JMJD1C: variants seen among roughly 807,000 people sequenced by gnomAD.
The protein encoded by JMJD1C is jumonji domain-containing protein 1C.
A neutral mutation model predicts 245.3 loss-of-function variants in JMJD1C; 31 were observed. That is an observed-to-expected ratio of 0.13 (90% CI 0.09 to 0.17). The LOEUF is 0.17. JMJD1C is among the 10% of genes least tolerant of loss of function. The pLI is 1.00. For synonymous variants in JMJD1C, 1,057 were observed against 1,017.4 expected (o/e 1.04, Z -0.74); for missense variants, 2,691 against 3,000.2 (o/e 0.90, Z 2.41).
At chr10:63,360,852 T>C (rs1271191062) in intron 2 of JMJD1C, among the ~76,000 whole-genome samples, 2 of 152,144 alleles carry the variant, frequency 1.3e-5, no homozygotes, top group Non-Finnish European at 2.9e-5. Context: ...TGGTGAGATC[T>C]TGGCTCACAG....
chr10:63,440,816 G>A (rs1203700069), intron 1 of JMJD1C, among the ~76,000 whole-genome samples: 4 of 152,208 alleles, frequency 2.6e-5, no homozygotes, highest in East Asian at 1.9e-4. Context: ...AACATAAAAC[G>A]GCACTGTGGT....
chr10:63,382,651 A>G (rs1459739698), intron 1 of JMJD1C: 5 of 364,358 alleles, frequency 1.4e-5, no homozygotes, highest in Non-Finnish European at 2.2e-5. Flanking sequence ...GGATGTTATA[A>G]TTTGGAAAAC....
At chr10:63,222,707 G>A (rs1589197954) in intron 3 of JMJD1C, 1 of 1,532,144 alleles carries the variant, frequency 6.5e-7, no homozygotes, top group South Asian at 1.1e-5. Context: ...AGCAGCAGCT[G>A]CTTTGATTGA....
intron 1 of JMJD1C, among the ~76,000 whole-genome samples, chr10:63,498,064 CT>C (rs1159154548): frequency 6.6e-5 from 10 of 152,254 alleles, no homozygotes; most frequent in African/African-American, 2.4e-4. Context: ...GATACGGTCT[CT>C]GTAATAAAAA....
intron 3 of JMJD1C, among the ~76,000 whole-genome samples, chr10:63,221,460 A>G (rs1848588558): frequency 6.6e-6 from 1 of 152,274 alleles, no homozygotes. Flanking sequence ...TGGAAAATAC[A>G]TAGAAGTACT....
At chr10:63,377,967 A>G (rs1269541297) in intron 2 of JMJD1C, among the ~76,000 whole-genome samples, 1 of 149,204 alleles carries the variant, frequency 6.7e-6, no homozygotes, top group African/African-American at 2.4e-5. Flanking sequence ...AAGAAAATAT[A>G]TCAAAAATTA....
At chr10:63,313,753 T>C (rs764833372) in intron 2 of JMJD1C, among the ~76,000 whole-genome samples, 3 of 152,232 alleles carry the variant, frequency 2.0e-5, no homozygotes, top group African/African-American at 2.4e-5. Flanking sequence ...CTTTTGAGAA[T>C]TGTCTATTCA....
At chr10:63,348,122 C>T (rs529368774) in intron 2 of JMJD1C, among the ~76,000 whole-genome samples, 1 of 151,292 alleles carries the variant, frequency 6.6e-6, no homozygotes, top group African/African-American at 2.4e-5. Context: ...GGGAGGATCG[C>T]TTGAAACCAG....
chr10:63,217,103 CTA>C, intron 5 of JMJD1C, 102 bp downstream of exon 5: 1 of 1,056,674 alleles, frequency 9.5e-7, no homozygotes, highest in Non-Finnish European at 1.4e-6. Context: ...ACTAAAAACC[CTA>C]GAGATAAAAA....
chr10:63,189,892 A>ATT (rs144520897), intron 17 of JMJD1C, among the ~76,000 whole-genome samples: 7 of 136,624 alleles, frequency 5.1e-5, no homozygotes, highest in East Asian at 4.2e-4. Flanking sequence ...ATATATACAC[A>ATT]TTTTTTTTTT....
chr10:63,512,838 C>T (rs1448369666), intron 1 of JMJD1C, among the ~76,000 whole-genome samples: 2 of 152,120 alleles, frequency 1.3e-5, no homozygotes, highest in Admixed American at 1.3e-4. Flanking sequence ...GCACCTTTGG[C>T]AGCTGTCTCA....
intron 2 of JMJD1C, among the ~76,000 whole-genome samples, chr10:63,315,356 A>C (rs1424256026): frequency 6.6e-6 from 1 of 152,144 alleles, no homozygotes; most frequent in Non-Finnish European, 1.5e-5. Flanking sequence ...CTTGTAAGTA[A>C]GAACATGCAG....
intron 1 of JMJD1C, among the ~76,000 whole-genome samples, chr10:63,451,666 C>T (rs1952077402): frequency 6.6e-6 from 1 of 152,124 alleles, no homozygotes; most frequent in African/African-American, 2.4e-5. Flanking sequence ...CATGCAAATA[C>T]TATGCCACCT....
At chr10:63,444,318 G>C (rs1262738956) in intron 1 of JMJD1C, among the ~76,000 whole-genome samples, 31 of 152,018 alleles carry the variant, frequency 2.0e-4, no homozygotes, top group Admixed American at 2.0e-3. Context: ...CTGTCACCTA[G>C]GCTGGAGTGC....
intron 2 of JMJD1C, among the ~76,000 whole-genome samples, chr10:63,277,293 C>T (rs963474920): frequency 4.7e-5 from 7 of 149,470 alleles, no homozygotes; most frequent in African/African-American, 1.7e-4. Flanking sequence ...GCCACCGAGA[C>T]TCCCAGAAGC....
At chr10:63,392,526 C>T (rs7082929) in intron 1 of JMJD1C, among the ~76,000 whole-genome samples, 5,182 of 151,956 alleles carry the variant, frequency 0.034, 244 homozygotes, top group African/African-American at 0.1. Context: ...AAAAAAATCC[C>T]ATTAAAAAGT....
At chr10:63,508,960 T>C (rs1489085667) in intron 1 of JMJD1C, among the ~76,000 whole-genome samples, 1 of 152,244 alleles carries the variant, frequency 6.6e-6, no homozygotes, top group African/African-American at 2.4e-5. Flanking sequence ...TAGAACAGAA[T>C]GATGCTGAAA....
intron 2 of JMJD1C, among the ~76,000 whole-genome samples, chr10:63,298,890 G>A (rs933192283): frequency 6.6e-6 from 1 of 151,896 alleles, no homozygotes; most frequent in East Asian, 1.9e-4. Flanking sequence ...CCACCACCAC[G>A]CCTGGCTTTT....
intron 1 of JMJD1C, among the ~76,000 whole-genome samples, chr10:63,391,762 A>G (rs1948079302): frequency 6.6e-6 from 1 of 152,180 alleles, no homozygotes; most frequent in Admixed American, 6.5e-5. Context: ...TCAAAATACC[A>G]ACATCATTTT....
Sources: gnomAD v4.1 joint callset for allele counts (sites outside exome capture counted in the v4.1 genomes callset) on GRCh38, gnomAD v4.1.1 for gene constraint, MANE v1.5 for transcripts, NCBI Gene and HGNC (gene_info 2026-07-23, HGNC 2026-07-21) for gene names.